The following CNTNAP2 variants were observed in gnomAD, a reference collection of about 807,000 sequenced individuals.
CNTNAP2 encodes contactin associated protein 2.
A neutral mutation model predicts 155.2 loss-of-function variants in CNTNAP2; 98 were observed. The ratio of observed to expected loss-of-function variants is 0.63; its 90% CI spans 0.54 to 0.75. CNTNAP2 has a LOEUF of 0.75. Among genes scored for constraint, CNTNAP2 ranks in the 30% least tolerant of loss-of-function variants. CNTNAP2 has a pLI of 0.00. For missense variants in CNTNAP2, 1,727 were observed against 1,688.1 expected (o/e 1.02, Z -0.40); for synonymous variants, 651 against 631.2 (o/e 1.03, Z -0.47).
chr7:146,251,794 C>T (rs1428738943), intron 1 of CNTNAP2, among the ~76,000 whole-genome samples: 1 of 152,138 alleles, frequency 6.6e-6, no homozygotes, highest in Non-Finnish European at 1.5e-5. Flanking sequence ...CATACATTTT[C>T]ACATAGGTTT....
intron 13 of CNTNAP2, among the ~76,000 whole-genome samples, chr7:147,670,205 C>A (rs1054846096): frequency 1.3e-5 from 2 of 152,078 alleles, no homozygotes; most frequent in African/African-American, 2.4e-5. Context: ...TTTTAAATTT[C>A]CGGGTTCTTG....
intron 1 of CNTNAP2, among the ~76,000 whole-genome samples, chr7:146,583,818 A>G (rs1267453052): frequency 6.6e-6 from 1 of 152,142 alleles, no homozygotes; most frequent in African/African-American, 2.4e-5. Context: ...TTTGAAATTC[A>G]ATTTAGAAAA....
intron 15 of CNTNAP2, among the ~76,000 whole-genome samples, chr7:148,082,032 G>A (rs1803618313): frequency 1.3e-5 from 2 of 152,048 alleles, no homozygotes; most frequent in Non-Finnish European, 2.9e-5. Flanking sequence ...GGCCGGTCTT[G>A]AACTTCTGGG....
intron 1 of CNTNAP2, among the ~76,000 whole-genome samples, chr7:146,490,209 C>T (rs1290834400): frequency 1.3e-5 from 2 of 152,104 alleles, no homozygotes; most frequent in Non-Finnish European, 2.9e-5. Flanking sequence ...TTTTTTAACT[C>T]AACAAATATT....
intron 8 of CNTNAP2, among the ~76,000 whole-genome samples, chr7:147,212,594 G>A (rs1803173229): frequency 1.3e-5 from 2 of 152,082 alleles, no homozygotes; most frequent in African/African-American, 4.8e-5. Context: ...GAGTGAAGAG[G>A]TAGGGATGTG....
chr7:146,297,523 G>A (rs1800533487), intron 1 of CNTNAP2, among the ~76,000 whole-genome samples: 1 of 151,838 alleles, frequency 6.6e-6, no homozygotes, highest in Non-Finnish European at 1.5e-5. Context: ...AATCACAGAA[G>A]AGAATAAAGG....
At chr7:146,669,649 T>C (rs1252510555) in intron 1 of CNTNAP2, among the ~76,000 whole-genome samples, 1 of 152,150 alleles carries the variant, frequency 6.6e-6, no homozygotes, top group African/African-American at 2.4e-5. Context: ...AAGGACTCCT[T>C]TGGAGCAGCA....
intron 12 of CNTNAP2, among the ~76,000 whole-genome samples, chr7:147,626,089 G>A (rs567524662): frequency 6.6e-6 from 1 of 152,218 alleles, no homozygotes; most frequent in South Asian, 2.1e-4. Context: ...GAGGAATTGG[G>A]AAGTAGTCAC....
chr7:147,975,049 CGT>C (rs1801403828), intron 14 of CNTNAP2, among the ~76,000 whole-genome samples: 1 of 150,528 alleles, frequency 6.6e-6, no homozygotes, highest in Admixed American at 6.6e-5. Flanking sequence ...TTTTGTATTA[CGT>C]ATAATACAAT....
chr7:148,007,009 T>C (rs866663461), intron 15 of CNTNAP2, among the ~76,000 whole-genome samples: 1 of 152,212 alleles, frequency 6.6e-6, no homozygotes, highest in East Asian at 1.9e-4. Flanking sequence ...CTTATATAAA[T>C]ACAAGGGTCA....
chr7:147,456,749 A>G (rs1321572270), intron 10 of CNTNAP2, among the ~76,000 whole-genome samples: 2 of 152,226 alleles, frequency 1.3e-5, no homozygotes, highest in Non-Finnish European at 2.9e-5. Flanking sequence ...ATGCGATGAG[A>G]ACCTGAAAAG....
rs148902847 is a variant in CNTNAP2 at position 147,160,093 on chromosome 7, C to A, written c.1348+27584C>A. Among the ~76,000 whole-genome samples, 566 of 152,142 alleles carry A rather than the reference C, an allele frequency of 3.7e-3. 4 individuals carry two copies. The highest frequency in any genetic ancestry group is 0.013 in the African/African-American group (540 of 41,538). ...TATTTTTAACTATGCAGCCACTGAA[C>A]CACTGTGACTGACAAATTGGTTTGT... On this transcript the variant is annotated intron_variant, in intron 8 of 23. Coordinates refer to ENST00000361727, the MANE Select transcript of CNTNAP2 (RefSeq NM_014141.6).
intron 15 of CNTNAP2, among the ~76,000 whole-genome samples, chr7:148,109,402 G>GTTTT (rs1563202214): frequency 8.3e-6 from 1 of 120,920 alleles, no homozygotes; most frequent in African/African-American, 3.4e-5. Flanking sequence ...TGTTTTGTTT[G>GTTTT]AGATGGAGTT....
intron 1 of CNTNAP2, among the ~76,000 whole-genome samples, chr7:146,268,436 C>A (rs1800028668): frequency 6.6e-6 from 1 of 152,150 alleles, no homozygotes; most frequent in Non-Finnish European, 1.5e-5. Flanking sequence ...CCAAATAAAT[C>A]TTCATGTTGC....
chr7:146,939,920 G>T (rs1438212035), intron 3 of CNTNAP2, among the ~76,000 whole-genome samples: 3 of 151,710 alleles, frequency 2.0e-5, no homozygotes, highest in Non-Finnish European at 2.9e-5. Context: ...TTTTATTTTT[G>T]ACTGCTTTGA....
intron 13 of CNTNAP2, among the ~76,000 whole-genome samples, chr7:147,755,538 A>G (rs1203124376): frequency 6.6e-6 from 1 of 152,204 alleles, no homozygotes; most frequent in Non-Finnish European, 1.5e-5. Context: ...CTGTAGTCTC[A>G]GCTACTTGGA....
chr7:147,878,400 T>C (rs796737786), intron 13 of CNTNAP2, among the ~76,000 whole-genome samples: 2 of 150,260 alleles, frequency 1.3e-5, no homozygotes, highest in African/African-American at 4.8e-5. Context: ...TTGACTTTGC[T>C]AATTACTTAT....
intron 13 of CNTNAP2, among the ~76,000 whole-genome samples, chr7:147,752,713 G>C (rs1226854212): frequency 6.6e-6 from 1 of 152,146 alleles, no homozygotes; most frequent in African/African-American, 2.4e-5. Flanking sequence ...TTCCAGATGT[G>C]ATCATAGCGT....
intron 1 of CNTNAP2, among the ~76,000 whole-genome samples, chr7:146,668,261 G>A (rs1448191359): frequency 1.3e-5 from 2 of 151,976 alleles, no homozygotes; most frequent in African/African-American, 4.8e-5. Flanking sequence ...TTGATTTAAT[G>A]TATGATGTTT....
Sources: gnomAD v4.1 joint callset for allele counts (sites outside exome capture counted in the v4.1 genomes callset) on GRCh38, gnomAD v4.1.1 for gene constraint, MANE v1.5 for transcripts, NCBI Gene and HGNC (gene_info 2026-07-23, HGNC 2026-07-21) for gene names.